The following MAP1B variants were observed in gnomAD, a reference collection of about 807,000 sequenced individuals.
MAP1B encodes the protein microtubule-associated protein 1B.
Under a neutral mutation model 176.1 loss-of-function variants are expected in MAP1B, and 12 were observed. The observed-to-expected ratio is 0.07, with a 90% CI of 0.04 to 0.11. The LOEUF (loss-of-function observed/expected upper bound fraction) is 0.11. Among genes scored for constraint, MAP1B ranks in the 10% least tolerant of loss-of-function variants. The pLI, the probability that MAP1B is intolerant of heterozygous loss-of-function variation, is 1.00. For missense variants in MAP1B, 2,523 were observed against 2,990.5 expected, an observed-to-expected ratio of 0.84 and a Z score of 3.65; for synonymous variants, 1,044 against 1,135.0, an observed-to-expected ratio of 0.92 and a Z score of 1.61.
At chr5:72,182,283 CTATAAAG>C (rs533972472) in intron 2 of MAP1B, among the ~76,000 whole-genome samples, 49 of 152,298 alleles carry the variant, frequency 3.2e-4, no homozygotes, top group Non-Finnish European at 4.9e-4. Flanking sequence ...CTCTCTAACT[CTATAAAG>C]TTGCCTATTC....
Position 72,109,426 on chromosome 5 carries a change from A to G in MAP1B, c.184+1711A>G, listed in dbSNP as rs1361257508. 2.0e-5 allele frequency among the ~76,000 whole-genome samples: 3 copies of G among 152,168 alleles called. No individual in the cohort carries two copies. In the East Asian group the frequency reaches 5.8e-4, roughly 29 times the overall value. ...TATTTGCACAATTTTCTCCTGGAAA[A>G]ATTTTACACATACTGACTTTGGGTG... On this transcript the variant is annotated intron_variant, in intron 1 of 6. Coordinates refer to ENST00000296755, the MANE Select transcript of MAP1B (RefSeq NM_005909.5).
Position 72,199,960 on chromosome 5 carries a change from C to T in MAP1B, c.6605C>T (p.Pro2202Leu). 1 of 1,614,228 alleles carries T rather than the reference C, an allele frequency of 6.2e-7. No individual in the cohort carries two copies. Among genetic ancestry groups the T allele is most frequent in the East Asian group, 2.2e-5 (1 of 44,886 alleles). Residue 2202 changes from proline (P) to leucine (L), a missense_variant, in exon 5 of 7, where the codon CCA (proline) becomes CTA (leucine). By Grantham distance (98) the Pro-to-Leu change is moderately conservative. Transcript: ENST00000296755. The surrounding 1 kb of genome is among the most constrained non-coding windows in gnomAD (Gnocchi z 4.2). Reference sequence around the variant, plus strand: ...ACGTACAAACACATGGACCCACCTCCAGCTCCCGTGCAAGACCGCAGCCCT... The same window carrying T: ...ACGTACAAACACATGGACCCACCTCTAGCTCCCGTGCAAGACCGCAGCCCT... ...TVTYKHMDPP[P>L]APVQDRSPSP...
chr5:72,194,954 A>G lies in MAP1B; in HGVS notation c.1599A>G (p.Thr533=). The G allele has an allele frequency of 6.2e-7, 1 of 1,614,192 alleles. No individual in the cohort carries two copies. The highest frequency in any genetic ancestry group is 8.5e-7 in the Non-Finnish European group (1 of 1,180,034). ...TGCCCACTCCTGTGGTGAAACAAAC[A>G]AAACTGAAACAGAGGGCTGATAGCC... is the stretch of plus-strand genomic sequence containing the variant. ...GQVPTPVVKQ[T]KLKQRADSRE... is the part of the protein sequence containing the mutation. Residue 533 remains threonine, a synonymous_variant, in exon 5 of 7, where the codon ACA becomes ACG. Transcript: ENST00000296755. This position sits in a 1 kb window ranked among gnomAD's most constrained non-coding sequence, Gnocchi z 7.2.
Position 72,196,802 on chromosome 5 carries a change from T to G in MAP1B, c.3447T>G (p.Asn1149Lys). 1 of 1,614,056 alleles carries G rather than the reference T, an allele frequency of 6.2e-7. No individual in the cohort carries two copies. The highest frequency in any genetic ancestry group is 1.1e-5 in the South Asian group (1 of 91,072). ...PRDVMSDETN[N>K]EETESPSQEF... ...ACGTGATGAGTGATGAGACCAACAA[T>G]GAAGAGACGGAGTCCCCTTCTCAGG... Residue 1149 changes from asparagine to lysine, a missense_variant, in exon 5 of 7, where the codon AAT (asparagine) becomes AAG (lysine). By Grantham distance (94) the Asn-to-Lys change is moderately conservative. Coordinates refer to ENST00000296755, the MANE Select transcript of MAP1B (RefSeq NM_005909.5). This position sits in a 1 kb window ranked among gnomAD's most constrained non-coding sequence, Gnocchi z 5.3.
At chr5:72,181,643 G>A (rs1313837137) in intron 2 of MAP1B, among the ~76,000 whole-genome samples, 1 of 151,410 alleles carries the variant, frequency 6.6e-6, no homozygotes, top group Non-Finnish European at 1.5e-5. Flanking sequence ...CTGCAGCCTC[G>A]ACCTTCTGGG....
At position 72,196,058 on chromosome 5, in the gene MAP1B, G is replaced by C; in HGVS notation, c.2703G>C (p.Gly901=). ...SPDEGITTTE[G]EGECEQTPEE... is the part of the protein sequence containing the mutation. ...ATGAGGGAATCACTACCACTGAAGG[G>C]GAGGGCGAATGTGAACAGACACCTG... Residue 901 remains glycine (G), a synonymous_variant, in exon 5 of 7, where the codon GGG becomes GGC. Transcript: ENST00000296755. The surrounding 1 kb of genome is among the most constrained non-coding windows in gnomAD (Gnocchi z 5.3). The C allele has an allele frequency of 6.2e-7, 1 of 1,614,184 alleles. No homozygotes were observed. Among genetic ancestry groups the C allele is most frequent in the Non-Finnish European group, 8.5e-7 (1 of 1,180,034 alleles).
chr5:72,190,487 A>T (rs1372084452), intron 4 of MAP1B, among the ~76,000 whole-genome samples: 1 of 152,194 alleles, frequency 6.6e-6, no homozygotes, highest in African/African-American at 2.4e-5. Context: ...CCTTACATTT[A>T]TCCCTTTAGA....
At chr5:72,180,011 C>T (rs1274838192) in intron 2 of MAP1B, 8 of 805,156 alleles carry the variant, frequency 9.9e-6, no homozygotes, top group Non-Finnish European at 1.1e-5. Context: ...CCAGGGGCCA[C>T]CTCGGCAGCA....
At chr5:72,142,211 C>T (rs575641318) in intron 2 of MAP1B, among the ~76,000 whole-genome samples, 17 of 152,224 alleles carry the variant, frequency 1.1e-4, no homozygotes, top group African/African-American at 3.9e-4. Context: ...GAGTGGAAGG[C>T]GAATTGGAGC....
chr5:72,109,871 C>A (rs779017776), intron 1 of MAP1B, among the ~76,000 whole-genome samples: 11 of 152,202 alleles, frequency 7.2e-5, no homozygotes, highest in Non-Finnish European at 1.2e-4. Context: ...ACCTTCGGAT[C>A]GTAATTATCT....
intron 2 of MAP1B, among the ~76,000 whole-genome samples, chr5:72,174,815 A>T (rs999822384): frequency 2.6e-5 from 4 of 152,202 alleles, no homozygotes; most frequent in African/African-American, 9.6e-5. Flanking sequence ...CACAGAAGAA[A>T]GTGCTTTGGA....
At chr5:72,202,764 A>G (rs1047396969) in intron 5 of MAP1B, among the ~76,000 whole-genome samples, 2 of 152,204 alleles carry the variant, frequency 1.3e-5, no homozygotes, top group Non-Finnish European at 2.9e-5. Context: ...AGTTCTATTA[A>G]CATTTCAAAA....
intron 1 of MAP1B, among the ~76,000 whole-genome samples, chr5:72,113,185 T>G (rs188028890): frequency 3.3e-5 from 5 of 152,312 alleles, no homozygotes; most frequent in South Asian, 2.1e-4. Context: ...ATTTCTAAAA[T>G]TGGTATGGAA....
intron 4 of MAP1B, among the ~76,000 whole-genome samples, chr5:72,187,181 TGAACTTGGGCTGTTTGAACAGCCCACAAA>T (rs530415050): frequency 2.0e-5 from 3 of 152,336 alleles, no homozygotes; most frequent in Admixed American, 2.0e-4. Context: ...CCCCAGTGTT[TGAACTTGGGCTGTTTGAACAGCCCACAAA>T]AGAGAGAGGG....
intron 1 of MAP1B, among the ~76,000 whole-genome samples, chr5:72,108,670 G>T (rs1449941031): frequency 6.6e-6 from 1 of 151,968 alleles, no homozygotes; most frequent in Non-Finnish European, 1.5e-5. Context: ...CCTCCGGACC[G>T]CCCGCCACAC....
At position 72,195,193 on chromosome 5, in the gene MAP1B, C is replaced by T. The variant is rs1747126726; in HGVS notation, c.1838C>T (p.Pro613Leu). The change falls in exon 5 of 7, where the codon CCA becomes CTA. Residue 613 changes from proline to leucine, a missense_variant. Pro to Leu is a moderately conservative substitution (Grantham distance 98). This residue lies in a region of MAP1B where 1,925 missense variants were observed against 2,126.0 expected (regional missense o/e 0.91). Transcript: ENST00000296755. Reference protein sequence around the residue: ...TEKEVPSKEEPSPVKAEVAEK... With the variant: ...TEKEVPSKEELSPVKAEVAEK... ...AAGGAGGTTCCCAGCAAAGAAGAGC[C>T]ATCTCCAGTGAAAGCCGAGGTGGCT... 6.2e-7 allele frequency: 1 copy of T among 1,613,716 alleles called. No homozygotes were observed. Among genetic ancestry groups the T allele is most frequent in the Non-Finnish European group, 8.5e-7 (1 of 1,179,972 alleles).
chr5:72,178,593 G>T (rs953205342), intron 2 of MAP1B, among the ~76,000 whole-genome samples: 1 of 152,302 alleles, frequency 6.6e-6, no homozygotes, highest in African/African-American at 2.4e-5. Flanking sequence ...CTGCCCCTCA[G>T]TCCTGGTTAC....
At chr5:72,178,770 GTA>G (rs1746705371) in intron 2 of MAP1B, among the ~76,000 whole-genome samples, 1 of 146,670 alleles carries the variant, frequency 6.8e-6, no homozygotes, top group African/African-American at 2.5e-5. Context: ...GTGTGTGTGT[GTA>G]GATGAATGCT....
intron 2 of MAP1B, among the ~76,000 whole-genome samples, chr5:72,150,900 G>A (rs1746128223): frequency 6.6e-6 from 1 of 152,166 alleles, no homozygotes. Context: ...TGTCTGGGTA[G>A]GTCAGCTGTG....
Sources: gnomAD v4.1 joint callset for allele counts (sites outside exome capture counted in the v4.1 genomes callset) on GRCh38, gnomAD v4.1.1 for gene constraint, gnomAD v4.1.1 regional missense constraint, Gnocchi (gnomAD v3.1) non-coding constraint, MANE v1.5 for transcripts, NCBI Gene and HGNC (gene_info 2026-07-23, HGNC 2026-07-21) for gene names.